Variants in NRK observed in about 807,000 individuals in gnomAD.
NRK encodes the protein Nik related kinase, also known as nik-related protein kinase.
In NRK, 67 loss-of-function variants were observed where a neutral mutation model predicts 125.2. That is an observed-to-expected ratio of 0.54 (90% CI 0.44 to 0.66). The LOEUF (loss-of-function observed/expected upper bound fraction) is 0.66, where lower values mean the gene tolerates loss of function less well. NRK is among the 30% of genes least tolerant of loss of function. The pLI, the probability that NRK is intolerant of heterozygous loss-of-function variation, is 0.00. For missense variants in NRK, 1,224 were observed against 1,192.9 expected, an observed-to-expected ratio of 1.03 and a Z score of -0.38; for synonymous variants, 458 against 429.0, an observed-to-expected ratio of 1.07 and a Z score of -0.84.
At chrX:105,897,525 A>G (rs2040100643) in intron 7 of NRK, among the ~76,000 whole-genome samples, 1 of 110,764 alleles carries the variant, frequency 9.0e-6, no homozygotes, top group African/African-American at 3.3e-5. Flanking sequence ...CTTTTCTTCT[A>G]TTAATCAGTC....
At chrX:105,928,974 G>C (rs1281843203) in intron 19 of NRK, among the ~76,000 whole-genome samples, 1 of 111,751 alleles carries the variant, frequency 8.9e-6, no homozygotes, top group African/African-American at 3.2e-5. Context: ...TGGGTGAAAT[G>C]TTCTATAAAT....
intron 16 of NRK, among the ~76,000 whole-genome samples, chrX:105,920,381 T>A (rs1486465070): frequency 2.9e-5 from 3 of 104,491 alleles, no homozygotes; most frequent in African/African-American, 7.5e-5. Context: ...ATGCGGGCTC[T>A]TTTTTGGTTC....
At chrX:105,868,975 C>T (rs778426060) in intron 2 of NRK, among the ~76,000 whole-genome samples, 2 of 109,548 alleles carry the variant, frequency 1.8e-5, no homozygotes, top group African/African-American at 6.6e-5. Context: ...TTAAAAAAAA[C>T]ACACACACAC....
intron 13 of NRK, among the ~76,000 whole-genome samples, chrX:105,910,721 G>A (rs1200963658): frequency 9.0e-6 from 1 of 111,228 alleles, no homozygotes; most frequent in Non-Finnish European, 1.9e-5. Flanking sequence ...GATAATTGGA[G>A]TTGTTGATTG....
chrX:105,939,754 T>G (rs190749359), intron 22 of NRK, 120 bp from the exon 23 acceptor site: 46 of 427,707 alleles, frequency 1.1e-4, no homozygotes, highest in Admixed American at 3.0e-4. Context: ...CAGTTTTTTT[T>G]AAGGTGCTTT....
At chrX:105,943,392 T>C (rs923816042) in intron 23 of NRK, among the ~76,000 whole-genome samples, 4 of 112,261 alleles carry the variant, frequency 3.6e-5, no homozygotes, top group African/African-American at 1.3e-4. Context: ...TCTCTCCTTA[T>C]GTTATTTAGT....
intron 2 of NRK, among the ~76,000 whole-genome samples, chrX:105,860,883 G>A (rs1234841570): frequency 9.0e-6 from 1 of 110,746 alleles, no homozygotes; most frequent in Non-Finnish European, 1.9e-5. Flanking sequence ...AGTTTTGATG[G>A]ACATTTAGGT....
intron 2 of NRK, among the ~76,000 whole-genome samples, chrX:105,858,334 A>G (rs1249479710): frequency 9.1e-6 from 1 of 109,943 alleles, no homozygotes; most frequent in Non-Finnish European, 1.9e-5. Context: ...TTACTGATGT[A>G]AATTGTACCT....
intron 5 of NRK, 150 bp downstream of exon 5, chrX:105,888,569 G>A: frequency 6.3e-6 from 3 of 476,549 alleles, no homozygotes; most frequent in Non-Finnish European, 1.0e-5. Context: ...GTCTCACAAT[G>A]CTATTAGGTT....
intron 2 of NRK, among the ~76,000 whole-genome samples, chrX:105,872,916 T>C (rs1480378186): frequency 9.0e-6 from 1 of 110,789 alleles, no homozygotes. Context: ...CCAGGTGCTG[T>C]TTACAATCGC....
intron 2 of NRK, among the ~76,000 whole-genome samples, chrX:105,856,940 T>A (rs2039538705): frequency 9.0e-6 from 1 of 111,419 alleles, no homozygotes; most frequent in Non-Finnish European, 1.9e-5. Context: ...ACAATGATAC[T>A]CTTTGACCTA....
intron 8 of NRK, among the ~76,000 whole-genome samples, chrX:105,899,656 A>G (rs2040130357): frequency 8.9e-6 from 1 of 111,770 alleles, no homozygotes; most frequent in South Asian, 3.7e-4. Context: ...TGTAACTGAA[A>G]GAAGTCTTAA....
At chrX:105,858,788 T>C (rs909004936) in intron 2 of NRK, among the ~76,000 whole-genome samples, 10 of 111,068 alleles carry the variant, frequency 9.0e-5, no homozygotes, top group Non-Finnish European at 1.7e-4. Context: ...TCATGTGAAA[T>C]TTGAGAAACA....
chrX:105,943,910 A>C (rs752456065), intron 23 of NRK, 31 bp from the exon 24 acceptor site: 1 of 732,064 alleles, frequency 1.4e-6, no homozygotes, highest in East Asian at 3.4e-5. Flanking sequence ...TAACTGTGGC[A>C]TCGTTACTTT....
chrX:105,910,050 A>G (rs1402583106), intron 13 of NRK, among the ~76,000 whole-genome samples, 168 bp downstream of exon 13: 1 of 112,097 alleles, frequency 8.9e-6, no homozygotes, highest in African/African-American at 3.2e-5. Flanking sequence ...AAATTTCTAG[A>G]TAATTGTAAC....
In NRK at chrX:105,909,844, T is replaced by A. The variant is rs2040275357; in HGVS notation, c.2203T>A (p.Phe735Ile). The change falls in exon 13 of 29, where the codon TTT becomes ATT. Residue 735 changes from phenylalanine to isoleucine, a missense_variant. By Grantham distance (21) the Phe-to-Ile change is conservative. Coordinates refer to ENST00000243300, the MANE Select transcript of NRK (RefSeq NM_198465.4). The stretch of plus-strand genomic sequence containing the variant: ...GCGCCAACGCAGATGGGAAGATATC[T>A]TTAATCAGCATGAGGAAGAATTGAG... ...QRRQRRWEDI[F>I]NQHEEELRQV... 2.6e-6 allele frequency: 3 copies of A among 1,159,829 alleles called. No individual in the cohort carries two copies. The highest frequency in any genetic ancestry group is 3.5e-6 in the Non-Finnish European group (3 of 865,874).
chrX:105,945,690 C>T (rs1298857199), intron 24 of NRK, among the ~76,000 whole-genome samples, 182 bp from the exon 25 acceptor site: 2 of 111,906 alleles, frequency 1.8e-5, no homozygotes, highest in Admixed American at 1.9e-4. Context: ...CACTGCAGTT[C>T]TTGACTCCCA....
At chrX:105,888,715 C>A (rs1397275668) in intron 5 of NRK, among the ~76,000 whole-genome samples, 1 of 111,228 alleles carries the variant, frequency 9.0e-6, no homozygotes, top group Non-Finnish European at 1.9e-5. Context: ...AAAGGAGGAG[C>A]AAAGTCACGT....
At chrX:105,921,270 G>T (rs1485622303) in intron 16 of NRK, among the ~76,000 whole-genome samples, 4 of 97,918 alleles carry the variant, frequency 4.1e-5, no homozygotes, top group African/African-American at 1.5e-4. Flanking sequence ...TCATAGGTGG[G>T]AATTGAACAA....
Sources: allele counts gnomAD v4.1 joint callset (sites outside exome capture counted in the v4.1 genomes callset), GRCh38; gene constraint gnomAD v4.1.1; transcripts MANE v1.5; gene names NCBI Gene and HGNC (gene_info 2026-07-23, HGNC 2026-07-21).